The following TMEM132D variants were observed in gnomAD, a reference collection of about 807,000 sequenced individuals.
The protein encoded by TMEM132D is mature OL transmembrane protein.
In TMEM132D, 21 loss-of-function variants were observed where a neutral mutation model predicts 62.3. The ratio of observed to expected loss-of-function variants is 0.34; its 90% CI spans 0.24 to 0.49. TMEM132D has a LOEUF of 0.49. TMEM132D is among the 20% of genes least tolerant of loss of function. The pLI is 0.99. For synonymous variants in TMEM132D, 621 were observed against 575.6 expected (o/e 1.08, Z -1.13); for missense variants, 1,346 against 1,402.8 (o/e 0.96, Z 0.65).
Position 129,796,493 on chromosome 12 carries a change from C to G in TMEM132D, c.80-95795G>C, listed in dbSNP as rs191768222. Among the ~76,000 whole-genome samples, 42 of 152,202 alleles carry G rather than the reference C, an allele frequency of 2.8e-4. No individual in the cohort carries two copies. In the East Asian group the frequency reaches 6.9e-3, roughly 25 times the overall value. ...GAAGGTTTGTTACATAGGCAAACTC[C>G]TGTCACACAGGTTTGTTGCACGGAT... On this transcript the variant is annotated intron_variant, in intron 1 of 8. Coordinates refer to ENST00000422113, the MANE Select transcript of TMEM132D (RefSeq NM_133448.3).
At chr12:129,377,511 TA>T (rs1484103478) in intron 3 of TMEM132D, among the ~76,000 whole-genome samples, 2 of 152,194 alleles carry the variant, frequency 1.3e-5, no homozygotes, top group Non-Finnish European at 1.5e-5. Context: ...GAAATGCTGT[TA>T]AAACAAACAG....
chr12:129,155,407 T>G (rs1173638178), intron 5 of TMEM132D, among the ~76,000 whole-genome samples: 1 of 152,264 alleles, frequency 6.6e-6, no homozygotes, highest in Non-Finnish European at 1.5e-5. Flanking sequence ...AGAGGTACTT[T>G]TTTTGAAATG....
At chr12:129,885,420 G>A (rs1186913749) in intron 1 of TMEM132D, among the ~76,000 whole-genome samples, 1 of 152,202 alleles carries the variant, frequency 6.6e-6, no homozygotes, top group Non-Finnish European at 1.5e-5. Flanking sequence ...TCTCAACCTT[G>A]ATTGCATATC....
At chr12:129,787,467 ACTTAGATCATCCTAAACTTCTGTCT>A (rs1341400983) in intron 1 of TMEM132D, among the ~76,000 whole-genome samples, 1 of 152,180 alleles carries the variant, frequency 6.6e-6, no homozygotes, top group Non-Finnish European at 1.5e-5. Context: ...GAAACATTGC[ACTTAGATCATCCTAAACTTCTGTCT>A]CTTAATCTAC....
intron 1 of TMEM132D, among the ~76,000 whole-genome samples, chr12:129,755,258 C>A: frequency 6.6e-6 from 1 of 152,206 alleles, no homozygotes; most frequent in East Asian, 1.9e-4. Flanking sequence ...AAGTATCTAC[C>A]TCTCCAAAGG....
intron 2 of TMEM132D, among the ~76,000 whole-genome samples, chr12:129,633,699 C>T (rs1308220636): frequency 3.9e-5 from 6 of 152,120 alleles, no homozygotes; most frequent in Admixed American, 2.0e-4. Context: ...TGTCAGGACC[C>T]ATCACTTTCC....
intron 2 of TMEM132D, among the ~76,000 whole-genome samples, chr12:129,587,733 A>G (rs1351476155): frequency 6.6e-6 from 1 of 152,160 alleles, no homozygotes; most frequent in South Asian, 2.1e-4. Context: ...GGCAGTTTCC[A>G]CAAAGGAGCC....
chr12:129,176,017 C>T (rs1233351310), intron 5 of TMEM132D, among the ~76,000 whole-genome samples: 4 of 152,190 alleles, frequency 2.6e-5, no homozygotes, highest in African/African-American at 9.6e-5. Context: ...TGTGTGCTCC[C>T]TTCCAGTGAA....
chr12:129,243,876 A>G (rs1880001029), intron 4 of TMEM132D, among the ~76,000 whole-genome samples: 1 of 152,182 alleles, frequency 6.6e-6, no homozygotes, highest in Admixed American at 6.5e-5. Context: ...TTAATGCTAC[A>G]TCTTGGCATT....
chr12:129,404,918 A>C, intron 3 of TMEM132D, among the ~76,000 whole-genome samples: 1 of 152,126 alleles, frequency 6.6e-6, no homozygotes, highest in East Asian at 1.9e-4. Flanking sequence ...GCATGCTAAA[A>C]AGATCATTTA....
intron 2 of TMEM132D, among the ~76,000 whole-genome samples, chr12:129,570,360 T>G (rs155368): frequency 0.26 from 39,110 of 152,148 alleles, 5,125 homozygotes; most frequent in East Asian, 0.4. Flanking sequence ...ACATCTACCT[T>G]CATGTAGTTT....
intron 3 of TMEM132D, among the ~76,000 whole-genome samples, chr12:129,486,356 G>A (rs1403907135): frequency 6.6e-6 from 1 of 151,908 alleles, no homozygotes; most frequent in Non-Finnish European, 1.5e-5. Context: ...TTTCTTCTGG[G>A]TGAATCCAAA....
chr12:129,643,237 G>A (rs1879688503), intron 2 of TMEM132D, among the ~76,000 whole-genome samples: 1 of 152,040 alleles, frequency 6.6e-6, no homozygotes, highest in South Asian at 2.1e-4. Flanking sequence ...ATCATTTTAA[G>A]AGGAACTACT....
intron 3 of TMEM132D, among the ~76,000 whole-genome samples, chr12:129,467,733 G>C (rs1873957636): frequency 6.6e-6 from 1 of 152,176 alleles, no homozygotes; most frequent in African/African-American, 2.4e-5. Flanking sequence ...AGAATGACCT[G>C]TTCTGTGCTT....
intron 5 of TMEM132D, among the ~76,000 whole-genome samples, chr12:129,127,207 T>A (rs1275222015): frequency 2.0e-5 from 3 of 152,210 alleles, no homozygotes; most frequent in Non-Finnish European, 4.4e-5. Context: ...TTTTGTTTTT[T>A]TCAATCACTC....
intron 1 of TMEM132D, among the ~76,000 whole-genome samples, chr12:129,773,340 A>G (rs184806519): frequency 1.3e-5 from 2 of 152,324 alleles, no homozygotes; most frequent in Admixed American, 6.5e-5. Flanking sequence ...TTAATTGTGG[A>G]GGCTGCCACG....
chr12:129,424,140 TGTA>T (rs1488056674), intron 3 of TMEM132D, among the ~76,000 whole-genome samples: 1 of 151,878 alleles, frequency 6.6e-6, no homozygotes, highest in Non-Finnish European at 1.5e-5. Context: ...TCTAATGAAA[TGTA>T]GGAGCATCTC....
chr12:129,259,716 G>A (rs1418068772), intron 4 of TMEM132D, among the ~76,000 whole-genome samples: 2 of 152,172 alleles, frequency 1.3e-5, no homozygotes, highest in African/African-American at 4.8e-5. Flanking sequence ...GTGAAGACAG[G>A]AGGTGGAGAA....
chr12:129,378,201 T>G (rs1403854676), intron 3 of TMEM132D, among the ~76,000 whole-genome samples: 2 of 152,210 alleles, frequency 1.3e-5, no homozygotes, highest in Non-Finnish European at 2.9e-5. Context: ...GAAAGGGGAT[T>G]GTAATTAAAA....
Sources: allele counts gnomAD v4.1 joint callset (sites outside exome capture counted in the v4.1 genomes callset), GRCh38; gene constraint gnomAD v4.1.1; transcripts MANE v1.5; gene names NCBI Gene and HGNC (gene_info 2026-07-23, HGNC 2026-07-21).